VMA22: variants seen among roughly 807,000 people sequenced by gnomAD.
VMA22 encodes the protein vacuolar ATPase assembly protein VMA22.
chr2:130,340,987 C>G, the VMA22 span: 1 of 1,613,434 alleles, frequency 6.2e-7, no homozygotes, highest in East Asian at 2.2e-5. Flanking sequence ...CCTGAGGGGC[C>G]TCAGAGGACT....
At chr2:130,340,623 G>T in the VMA22 span, 4 of 438,472 alleles carry the variant, frequency 9.1e-6, no homozygotes, top group Admixed American at 3.6e-5. Flanking sequence ...TTATGTTAAG[G>T]GCCTACTTAT....
At chr2:130,341,801 G>GGGGCGGGGCCC in the VMA22 span, 1 of 1,378,138 alleles carries the variant, frequency 7.3e-7, no homozygotes, top group Non-Finnish European at 9.9e-7. Flanking sequence ...CCTAGAACGC[G>GGGGCGGGGCCC]CCCGCCCGCC....
At chr2:130,342,351 G>T in the VMA22 span, 1 of 760,268 alleles carries the variant, frequency 1.3e-6, no homozygotes. Context: ...CCCCCAAGTG[G>T]ATCAGCCTGC....
chr2:130,341,697 C>T, the VMA22 span: 2 of 1,611,712 alleles, frequency 1.2e-6, no homozygotes, highest in East Asian at 4.5e-5. Context: ...TCCTCTGGGG[C>T]GTGGACACCA....
At chr2:130,341,870 G>GT in the VMA22 span, 1 of 1,584,278 alleles carries the variant, frequency 6.3e-7, no homozygotes, top group East Asian at 2.3e-5. Context: ...GGGGCTCCAT[G>GT]TGGGAAGCAT....
At chr2:130,341,800 C>CGGGGGGGG in the VMA22 span, 2 of 1,388,810 alleles carry the variant, frequency 1.4e-6, no homozygotes, top group Non-Finnish European at 2.0e-6. Flanking sequence ...GCCTAGAACG[C>CGGGGGGGG]GCCCGCCCGC....
the VMA22 span, chr2:130,341,534 C>A: frequency 5.3e-6 from 4 of 754,034 alleles, no homozygotes; most frequent in South Asian, 7.5e-5. Context: ...CAAAACCACC[C>A]TACAAAAACA....
chr2:130,339,107 C>A, the VMA22 span: 1 of 1,602,830 alleles, frequency 6.2e-7, no homozygotes, highest in Non-Finnish European at 8.5e-7. Flanking sequence ...TGCCCTGCCT[C>A]TTTGCGCGCA....
the VMA22 span, chr2:130,340,434 C>T: frequency 3.2e-5 from 7 of 221,844 alleles, no homozygotes; most frequent in South Asian, 5.3e-5. Context: ...CCACCGGCCT[C>T]GGCACATACC....
the VMA22 span, chr2:130,341,785 C>G: frequency 3.8e-6 from 6 of 1,598,550 alleles, no homozygotes; most frequent in Non-Finnish European, 5.1e-6. Flanking sequence ...GCTTTGGCAG[C>G]CCGGGCCTAG....
At chr2:130,338,796 T>C in the VMA22 span, 621 of 298,792 alleles carry the variant, frequency 2.1e-3, 4 homozygotes, top group African/African-American at 0.013. Context: ...CTTCGCACAG[T>C]GTTCCATCAT....
At chr2:130,338,537 G>T in the VMA22 span, 2 of 152,222 alleles carry the variant, frequency 1.3e-5, no homozygotes, top group African/African-American at 4.8e-5. Flanking sequence ...GCCTCTTATG[G>T]TAAGACAAAG....
chr2:130,341,353 T>C, the VMA22 span: 3 of 536,410 alleles, frequency 5.6e-6, no homozygotes, highest in Admixed American at 3.6e-5. Context: ...CAACTCCCCA[T>C]TCTTTGTCTC....
chr2:130,339,896 C>A, the VMA22 span: 1 of 1,169,284 alleles, frequency 8.6e-7, no homozygotes. Context: ...GTGTCAAAAA[C>A]TTTGGAATTT....
At chr2:130,339,685 C>T in the VMA22 span, 1 of 1,304,514 alleles carries the variant, frequency 7.7e-7, no homozygotes, top group Non-Finnish European at 1.0e-6. Context: ...TCTTCGGCCT[C>T]CTGTTCAGCA....
At chr2:130,342,243 C>T in the VMA22 span, 4 of 1,545,144 alleles carry the variant, frequency 2.6e-6, no homozygotes, top group Non-Finnish European at 2.6e-6. Context: ...GGGATCCCCA[C>T]GCCGGCAGCA....
At chr2:130,341,041 T>C in the VMA22 span, 3 of 1,598,020 alleles carry the variant, frequency 1.9e-6, no homozygotes, top group East Asian at 4.5e-5. Context: ...TCCGCAGACC[T>C]GAGGAAAGAA....
the VMA22 span, chr2:130,342,192 A>G: frequency 1.3e-6 from 2 of 1,582,908 alleles, no homozygotes; most frequent in Non-Finnish European, 1.7e-6. Context: ...AGGACAGCCA[A>G]TAGGCACACG....
chr2:130,340,830 C>A, the VMA22 span: 4 of 1,553,894 alleles, frequency 2.6e-6, no homozygotes, highest in Non-Finnish European at 1.8e-6. Flanking sequence ...CTAACCCCAG[C>A]CATGGCAGCA....
Sources: gnomAD v4.1 joint callset for allele counts on GRCh38, gnomAD v4.1.1 for gene constraint, MANE v1.5 for transcripts, NCBI Gene and HGNC (gene_info 2026-07-23, HGNC 2026-07-21) for gene names.